MCM10: variants seen among roughly 807,000 people sequenced by gnomAD.
MCM10 encodes minichromosome maintenance 10 replication initiation factor, also known as protein MCM10 homolog.
Under a neutral mutation model 109.9 loss-of-function variants are expected in MCM10, and 91 were observed. The observed-to-expected ratio is 0.83, with a 90% CI of 0.70 to 0.99. The LOEUF is 0.99. Among genes scored for constraint, MCM10 ranks in the 50% least tolerant of loss-of-function variants. MCM10 has a pLI of 0.00. For synonymous variants in MCM10, 380 were observed against 387.2 expected (o/e 0.98, Z 0.22); for missense variants, 1,077 against 1,061.2 (o/e 1.01, Z -0.21).
chr10:13,179,083 AG>A (rs1159165859), intron 6 of MCM10, among the ~76,000 whole-genome samples: 1 of 152,196 alleles, frequency 6.6e-6, no homozygotes, highest in Non-Finnish European at 1.5e-5. Context: ...TTTATTTATC[AG>A]TGCTAATAGT....
chr10:13,165,618 TA>T (rs1192936486), intron 2 of MCM10, among the ~76,000 whole-genome samples: 1 of 152,174 alleles, frequency 6.6e-6, no homozygotes, highest in Non-Finnish European at 1.5e-5. Flanking sequence ...CTCATGCCTG[TA>T]ATCCCAGCAC....
In MCM10 at chr10:13,172,770, A is replaced by G. The variant is rs1834092277; in HGVS notation, c.592+5A>G. 1 of 1,613,930 alleles carries G rather than the reference A, an allele frequency of 6.2e-7. No homozygotes were observed. Among genetic ancestry groups the G allele is most frequent in the East Asian group, 2.2e-5 (1 of 44,874 alleles). On this transcript the variant is annotated splice_donor_5th_base_variant and intron_variant, in intron 5 of 19. Transcript: ENST00000378714. The surrounding 1 kb of genome is among the most constrained non-coding windows in gnomAD (Gnocchi z 5.2). ...CACCAAAGGCTTCACCTCCAGGTGT[A>G]GTACTTGCGGTCTCAGTATCTTGGC... is the stretch of plus-strand genomic sequence containing the variant.
chr10:13,166,688 A>ATATATATATATG (rs1435674336), intron 2 of MCM10, among the ~76,000 whole-genome samples: 149 of 135,910 alleles, frequency 1.1e-3, no homozygotes, highest in African/African-American at 4.2e-3. Context: ...ATATATATAT[A>ATATATATATATG]TCATCAGCTA....
intron 13 of MCM10, 32 bp from the exon 14 acceptor site, chr10:13,195,009 G>T: frequency 1.3e-6 from 2 of 1,589,592 alleles, no homozygotes; most frequent in Middle Eastern, 1.7e-4. Context: ...CGTAAACCCT[G>T]TTTGCGTATT....
chr10:13,195,437 C>T (rs1834404579), intron 14 of MCM10, 168 bp downstream of exon 14: 1 of 572,010 alleles, frequency 1.7e-6, no homozygotes, highest in Non-Finnish European at 3.0e-6. Flanking sequence ...GATCTGTTAT[C>T]TCAACACTTT....
Position 13,165,132 on chromosome 10 carries a change from G to C in MCM10, c.7+923G>C, listed in dbSNP as rs1044837752. On this transcript the variant is annotated intron_variant, in intron 2 of 19. Transcript: ENST00000378714. The stretch of plus-strand genomic sequence containing the variant: ...CAGGATGGTACCAAACCCTAGGCAT[G>C]CTGTGTTTTTTCCTGTACATACATA... 4.6e-5 allele frequency among the ~76,000 whole-genome samples: 7 copies of C among 152,294 alleles called. No individual in the cohort carries two copies. The East Asian group carries it at 1.4e-3, about 29-fold the overall frequency.
Position 13,180,627 on chromosome 10 carries a change from T to G in MCM10, c.930+20T>G, listed in dbSNP as rs753792402. ...AATAGTGTAAGCCATTGTATTGGTTTCTTAGCTGTTTTACTACAAACTGAC... is the reference window on the plus strand; with the variant it reads ...AATAGTGTAAGCCATTGTATTGGTTGCTTAGCTGTTTTACTACAAACTGAC... On this transcript the variant is annotated intron_variant, in intron 7 of 19. Coordinates refer to ENST00000378714, the MANE Select transcript of MCM10 (RefSeq NM_018518.5). 3 of 1,612,562 alleles carry G rather than the reference T, an allele frequency of 1.9e-6. No homozygotes were observed. Among genetic ancestry groups the G allele is most frequent in the Non-Finnish European group, 2.5e-6 (3 of 1,179,660 alleles).
rs748415703 is a variant in MCM10, at chr10:13,201,429, T to A, written c.2247T>A (p.Ala749=). Residue 749 remains alanine, a synonymous_variant, in exon 17 of 20, where the codon GCT becomes GCA. Transcript: ENST00000378714. The stretch of plus-strand genomic sequence containing the variant: ...ATGCCCTGTCATTCCAGGCCGAGGC[T>A]GAGATGCAGGAGCGCTACTTTGAGC... ...KHTGILKEAE[A]EMQERYFEPL... 1 of 1,610,656 alleles carries A rather than the reference T, an allele frequency of 6.2e-7. No homozygotes were observed. The highest frequency in any genetic ancestry group is 1.7e-4 in the Middle Eastern group (1 of 6,056).
At chr10:13,200,041 C>A (rs1468823172) in intron 16 of MCM10, among the ~76,000 whole-genome samples, 1 of 151,948 alleles carries the variant, frequency 6.6e-6, no homozygotes, top group Non-Finnish European at 1.5e-5. Flanking sequence ...TCAGGGCTCA[C>A]TGCAGCCTCG....
intron 10 of MCM10, among the ~76,000 whole-genome samples, chr10:13,190,181 T>C (rs1360041816): frequency 6.6e-6 from 1 of 152,122 alleles, no homozygotes; most frequent in Non-Finnish European, 1.5e-5. Context: ...GAATAAAACA[T>C]AGATTTTTGT....
At chr10:13,191,986 G>A (rs1588474813) in intron 11 of MCM10, among the ~76,000 whole-genome samples, 2 of 152,112 alleles carry the variant, frequency 1.3e-5, no homozygotes, top group East Asian at 1.9e-4. Flanking sequence ...TATCCTTAGC[G>A]GATATTCCAG....
intron 18 of MCM10, among the ~76,000 whole-genome samples, chr10:13,207,203 C>T (rs1025952160): frequency 8.5e-5 from 13 of 152,282 alleles, no homozygotes; most frequent in Admixed American, 3.9e-4. Flanking sequence ...CACAACCACA[C>T]GGCTCTGCTG....
chr10:13,164,157 C>A lies in MCM10; in HGVS notation c.-46C>A, dbSNP rs1833963742. ...GATTCTACATTGCTCATCTGGGCAT[C>A]TGAGCCTCCTTCGAAGTTTCCTGTC... On this transcript the variant is annotated 5_prime_UTR_variant, in exon 2 of 20. The change creates a new upstream start codon in the 5' untranslated region. Transcript: ENST00000378714. 1.3e-6 allele frequency: 2 copies of A among 1,556,554 alleles called. No homozygotes were observed. The highest frequency in any genetic ancestry group is 1.7e-6 in the Non-Finnish European group (2 of 1,156,398).
intron 18 of MCM10, 53 bp downstream of exon 18, chr10:13,204,417 T>C: frequency 6.3e-7 from 1 of 1,599,560 alleles, no homozygotes; most frequent in South Asian, 1.1e-5. Flanking sequence ...TCATCTCTTT[T>C]TCCAGAGTCT....
intron 8 of MCM10, among the ~76,000 whole-genome samples, chr10:13,183,321 G>T (rs539445039): frequency 1.3e-5 from 2 of 152,212 alleles, no homozygotes; most frequent in South Asian, 4.2e-4. Context: ...GGCTGTGAGT[G>T]GGGGCACACA....
At chr10:13,165,627 C>T (rs1400860576) in intron 2 of MCM10, among the ~76,000 whole-genome samples, 1 of 152,080 alleles carries the variant, frequency 6.6e-6, no homozygotes, top group Non-Finnish European at 1.5e-5. Flanking sequence ...GTAATCCCAG[C>T]ACTTTGGGAG....
At chr10:13,208,954 G>A (rs944627395) in intron 18 of MCM10, 137 bp from the exon 19 acceptor site, 3 of 694,370 alleles carry the variant, frequency 4.3e-6, no homozygotes, top group African/African-American at 3.6e-5. Flanking sequence ...CTCAGATTTG[G>A]CATACAATAC....
At chr10:13,190,954 C>T (rs1207936972) in intron 10 of MCM10, among the ~76,000 whole-genome samples, 2 of 152,122 alleles carry the variant, frequency 1.3e-5, no homozygotes, top group Non-Finnish European at 2.9e-5. Context: ...ACATTATAAA[C>T]AAAGCTGCCA....
intron 6 of MCM10, among the ~76,000 whole-genome samples, chr10:13,179,428 C>T (rs1361344882): frequency 6.6e-6 from 1 of 152,084 alleles, no homozygotes. Context: ...GCCTATCACA[C>T]TACAATCACA....
Sources: allele counts gnomAD v4.1 joint callset (sites outside exome capture counted in the v4.1 genomes callset), GRCh38; gene constraint gnomAD v4.1.1; non-coding constraint Gnocchi (gnomAD v3.1); transcripts MANE v1.5; gene names NCBI Gene and HGNC (gene_info 2026-07-23, HGNC 2026-07-21).